The following LHFPL3 variants were observed in gnomAD, a reference collection of about 807,000 sequenced individuals.
The protein encoded by LHFPL3 is LHFPL tetraspan subfamily member 3.
Under a neutral mutation model 19.3 loss-of-function variants are expected in LHFPL3, and 5 were observed. The ratio of observed to expected loss-of-function variants is 0.26; its 90% confidence interval spans 0.14 to 0.54. The LOEUF is 0.54. Ranked by LOEUF, LHFPL3 falls within the 20% of genes least tolerant of loss-of-function variation. The probability of loss-of-function intolerance (pLI) is 0.94; values close to 1 mark genes in which losing one functional copy is unlikely to be tolerated. For missense variants in LHFPL3, 249 were observed against 307.4 expected (o/e 0.81, Z 1.42); for synonymous variants, 133 against 126.2 (o/e 1.05, Z -0.36).
intron 1 of LHFPL3, among the ~76,000 whole-genome samples, chr7:104,575,245 C>T (rs1388344140): frequency 1.3e-5 from 2 of 152,078 alleles, no homozygotes; most frequent in Non-Finnish European, 2.9e-5. Flanking sequence ...ATATCAAGAC[C>T]CCTGGTTTTC....
rs80274524 is a variant in LHFPL3 at position 104,331,514 on chromosome 7, C to T, written c.445+2290C>T. Among the ~76,000 whole-genome samples the T allele has an allele frequency of 9.4e-3, 1,369 of 146,088 alleles. 17 individuals carry two copies. Among genetic ancestry groups the T allele is most frequent in the African/African-American group, 0.034 (1,302 of 38,382 alleles). On this transcript the variant is annotated intron_variant, in intron 1 of 2. Coordinates refer to ENST00000424859, the MANE Select transcript of LHFPL3 (RefSeq NM_199000.3). Reference sequence around the variant, plus strand: ...ACAGGTCAAATAAGGATCTGTCACTCATTCACAGATTTTTAAGGAATAACA... The same window carrying T: ...ACAGGTCAAATAAGGATCTGTCACTTATTCACAGATTTTTAAGGAATAACA...
intron 2 of LHFPL3, among the ~76,000 whole-genome samples, chr7:104,801,452 A>G (rs1273195117): frequency 1.3e-5 from 2 of 152,254 alleles, no homozygotes; most frequent in African/African-American, 4.8e-5. Flanking sequence ...GAATGTAACC[A>G]GGAAAGTGGT....
chr7:104,468,920 A>C (rs1414856937), intron 1 of LHFPL3, among the ~76,000 whole-genome samples: 1 of 152,030 alleles, frequency 6.6e-6, no homozygotes, highest in Non-Finnish European at 1.5e-5. Flanking sequence ...CTTCCTCCCA[A>C]AGTGCTGGGA....
intron 1 of LHFPL3, among the ~76,000 whole-genome samples, chr7:104,609,900 A>T (rs1464874054): frequency 6.6e-6 from 1 of 152,250 alleles, no homozygotes; most frequent in African/African-American, 2.4e-5. Context: ...AGGCATCATA[A>T]TTATTTCTTC....
intron 1 of LHFPL3, among the ~76,000 whole-genome samples, chr7:104,649,796 T>C (rs1490798945): frequency 6.6e-6 from 1 of 152,196 alleles, no homozygotes; most frequent in African/African-American, 2.4e-5. Context: ...GAACATGGGC[T>C]GTTCTGGAGA....
intron 1 of LHFPL3, among the ~76,000 whole-genome samples, chr7:104,686,347 G>A (rs1260238452): frequency 6.6e-6 from 1 of 152,142 alleles, no homozygotes; most frequent in Non-Finnish European, 1.5e-5. Flanking sequence ...GTAGAGAAGT[G>A]GAATTCACTG....
At chr7:104,882,860 G>A (rs1372151151) in intron 2 of LHFPL3, among the ~76,000 whole-genome samples, 1 of 152,158 alleles carries the variant, frequency 6.6e-6, no homozygotes, top group African/African-American at 2.4e-5. Context: ...AATAAATCCT[G>A]AAGATGGGGG....
chr7:104,758,267 G>C (rs77806434), intron 2 of LHFPL3, among the ~76,000 whole-genome samples: 1 of 152,132 alleles, frequency 6.6e-6, no homozygotes, highest in Non-Finnish European at 1.5e-5. Flanking sequence ...TGGGTAATCC[G>C]CTAGTAGGGA....
intron 1 of LHFPL3, among the ~76,000 whole-genome samples, chr7:104,509,600 A>G (rs1320786633): frequency 6.6e-6 from 1 of 152,098 alleles, no homozygotes; most frequent in East Asian, 1.9e-4. Context: ...GTGATAAAAA[A>G]CAGATGCAAA....
intron 1 of LHFPL3, among the ~76,000 whole-genome samples, chr7:104,727,808 G>C (rs1793618660): frequency 6.6e-6 from 1 of 152,184 alleles, no homozygotes; most frequent in Admixed American, 6.5e-5. Context: ...GTGGGGGCTG[G>C]ATTACAGAGT....
intron 1 of LHFPL3, among the ~76,000 whole-genome samples, chr7:104,440,041 G>GGGGA (rs1554394376): frequency 4.1e-5 from 6 of 146,508 alleles, no homozygotes; most frequent in African/African-American, 5.0e-5. Flanking sequence ...AGCCTGGGGG[G>GGGGA]GGGGAGGGAT....
At chr7:104,783,553 G>A (rs530311537) in intron 2 of LHFPL3, among the ~76,000 whole-genome samples, 33 of 152,280 alleles carry the variant, frequency 2.2e-4, no homozygotes, top group African/African-American at 7.0e-4. Flanking sequence ...GTAATGCACC[G>A]ACGATATTTG....
intron 2 of LHFPL3, among the ~76,000 whole-genome samples, chr7:104,856,209 C>T (rs1261075726): frequency 1.3e-5 from 2 of 148,976 alleles, no homozygotes; most frequent in African/African-American, 5.0e-5. Context: ...TGCCTGCACT[C>T]TGCCCAGATC....
chr7:104,365,971 C>T (rs1790488869), intron 1 of LHFPL3, among the ~76,000 whole-genome samples: 1 of 151,950 alleles, frequency 6.6e-6, no homozygotes, highest in Non-Finnish European at 1.5e-5. Flanking sequence ...TGTAGCAGAC[C>T]CAGTTGGCAT....
chr7:104,561,535 G>A (rs1446078827), intron 1 of LHFPL3, among the ~76,000 whole-genome samples: 1 of 151,390 alleles, frequency 6.6e-6, no homozygotes, highest in Non-Finnish European at 1.5e-5. Context: ...CATTGGCTTG[G>A]TAGATCTTCC....
At chr7:104,523,880 C>T (rs528441263) in intron 1 of LHFPL3, among the ~76,000 whole-genome samples, 5 of 152,174 alleles carry the variant, frequency 3.3e-5, no homozygotes, top group Non-Finnish European at 5.9e-5. Flanking sequence ...TACTCAGATT[C>T]ATGGTGCTCA....
intron 1 of LHFPL3, among the ~76,000 whole-genome samples, chr7:104,676,052 C>G (rs755148950): frequency 6.6e-6 from 1 of 152,170 alleles, no homozygotes; most frequent in African/African-American, 2.4e-5. Flanking sequence ...GAGCCTGGGG[C>G]TCTCCAACCT....
intron 1 of LHFPL3, among the ~76,000 whole-genome samples, chr7:104,354,718 G>A (rs1332506281): frequency 6.6e-6 from 1 of 152,068 alleles, no homozygotes; most frequent in Non-Finnish European, 1.5e-5. Context: ...TCATGGTCAG[G>A]ACCCTGACCA....
At chr7:104,575,804 A>G (rs774170362) in intron 1 of LHFPL3, among the ~76,000 whole-genome samples, 2 of 152,000 alleles carry the variant, frequency 1.3e-5, no homozygotes, top group African/African-American at 2.4e-5. Flanking sequence ...GAACCACTGC[A>G]TCTGACCACT....
Sources: gnomAD v4.1 joint callset for allele counts (sites outside exome capture counted in the v4.1 genomes callset) on GRCh38, gnomAD v4.1.1 for gene constraint, MANE v1.5 for transcripts, NCBI Gene and HGNC (gene_info 2026-07-23, HGNC 2026-07-21) for gene names.